PRKAR1B: variants seen among roughly 807,000 people sequenced by gnomAD.
The protein encoded by PRKAR1B is protein kinase cAMP-dependent type I regulatory subunit beta.
In PRKAR1B, 22 loss-of-function variants were observed where a neutral mutation model predicts 46.5. That is an observed-to-expected ratio of 0.47 (90% CI 0.34 to 0.68). The LOEUF is 0.68. Ranked by LOEUF, PRKAR1B falls within the 30% of genes least tolerant of loss-of-function variation. PRKAR1B has a pLI of 0.01. For missense variants in PRKAR1B, 445 were observed against 535.6 expected (o/e 0.83, Z 1.67); for synonymous variants, 259 against 217.7 (o/e 1.19, Z -1.67).
At chr7:635,793 G>A (rs1784014482) in intron 4 of PRKAR1B, among the ~76,000 whole-genome samples, 3 of 152,084 alleles carry the variant, frequency 2.0e-5, no homozygotes, top group Non-Finnish European at 4.4e-5. Context: ...TTGGAGGCAG[G>A]AGTTGGTCCA....
chr7:677,781 G>A (rs553563869), intron 3 of PRKAR1B, among the ~76,000 whole-genome samples: 1 of 152,278 alleles, frequency 6.6e-6, no homozygotes, highest in African/African-American at 2.4e-5. Flanking sequence ...GAAGCGTTCT[G>A]AGAAATTCAT....
chr7:648,772 G>C (rs1784747414), intron 4 of PRKAR1B, among the ~76,000 whole-genome samples: 1 of 151,272 alleles, frequency 6.6e-6, no homozygotes, highest in East Asian at 2.0e-4. Context: ...ACAAGAGTAA[G>C]ACTCCATCTG....
chr7:641,748 A>G (rs1184523420), intron 4 of PRKAR1B, among the ~76,000 whole-genome samples: 1 of 152,066 alleles, frequency 6.6e-6, no homozygotes, highest in Non-Finnish European at 1.5e-5. Context: ...GAACGACTCT[A>G]TTTATGTGTT....
intron 8 of PRKAR1B, among the ~76,000 whole-genome samples, chr7:580,625 T>G (rs1780118880): frequency 6.6e-6 from 1 of 151,888 alleles, no homozygotes; most frequent in East Asian, 1.9e-4. Flanking sequence ...TCCGCCCTTC[T>G]CACAAGGTCT....
intron 2 of PRKAR1B, among the ~76,000 whole-genome samples, chr7:702,364 A>G (rs2128522921): frequency 6.6e-6 from 1 of 152,376 alleles, no homozygotes; most frequent in South Asian, 2.1e-4. Flanking sequence ...AAATCCAACC[A>G]TATCAATAAT....
At chr7:579,515 T>C (rs994960063) in intron 8 of PRKAR1B, 138 bp from the exon 9 acceptor site, 2 of 1,155,838 alleles carry the variant, frequency 1.7e-6, no homozygotes, top group East Asian at 5.0e-5. Flanking sequence ...GTAAGCTGCA[T>C]AAGATGAGGC....
intron 2 of PRKAR1B, among the ~76,000 whole-genome samples, chr7:694,906 G>T (rs1779643524): frequency 6.6e-6 from 1 of 151,870 alleles, no homozygotes; most frequent in South Asian, 2.1e-4. Flanking sequence ...CGTGGTGGTG[G>T]GCACCTGTCA....
In PRKAR1B at chr7:570,899, C is replaced by CT. The variant is rs546621837; in HGVS notation, c.891+8356dup. 6.7e-3 allele frequency among the ~76,000 whole-genome samples: 1,019 copies of CT among 152,264 alleles called. 9 individuals carry two copies. The highest frequency in any genetic ancestry group is 0.014 in the Admixed American group (217 of 15,302). On this transcript the variant is annotated intron_variant, in intron 9 of 10. Coordinates refer to ENST00000537384, the MANE Select transcript of PRKAR1B (RefSeq NM_001164760.2). ...CAAGCGACACCACTCCCAGCACTCT[C>CT]TGTGTCGGGTCCTGCTTCACGTCTC...
intron 3 of PRKAR1B, among the ~76,000 whole-genome samples, chr7:679,401 C>A (rs549501770): frequency 6.6e-6 from 1 of 152,226 alleles, no homozygotes; most frequent in Non-Finnish European, 1.5e-5. Context: ...AGGCATTCTG[C>A]GGAGCATCCC....
chr7:588,496 T>C (rs1012317951), intron 7 of PRKAR1B, among the ~76,000 whole-genome samples: 3 of 150,978 alleles, frequency 2.0e-5, no homozygotes, highest in Admixed American at 6.6e-5. Context: ...GTGGTGAGGA[T>C]AGTGACAGTG....
At position 714,610 on chromosome 7, in the gene PRKAR1B, C is replaced by G. The variant is rs1562361881; in HGVS notation, c.-22-3083G>C. 6.6e-6 allele frequency among the ~76,000 whole-genome samples: 1 copy of G among 152,248 alleles called. No individual in the cohort carries two copies. Among genetic ancestry groups the G allele is most frequent in the South Asian group, 2.1e-4 (1 of 4,830 alleles). ...GGCCCCCACCCCACACAAGGACTCCCTCTCCAGACTGGCTCTGGTAGGAGT... is the reference window on the plus strand; with the variant it reads ...GGCCCCCACCCCACACAAGGACTCCGTCTCCAGACTGGCTCTGGTAGGAGT... On this transcript the variant is annotated intron_variant, in intron 1 of 10. Transcript: ENST00000537384. This position sits in a 1 kb window ranked among gnomAD's most constrained non-coding sequence, Gnocchi z 4.3.
chr7:638,065 C>A (rs532114486), intron 4 of PRKAR1B, among the ~76,000 whole-genome samples: 1 of 152,346 alleles, frequency 6.6e-6, no homozygotes, highest in East Asian at 1.9e-4. Flanking sequence ...GACCCTGTGC[C>A]CACCTAGCTG....
intron 9 of PRKAR1B, among the ~76,000 whole-genome samples, chr7:571,853 A>ACC (rs1779535703): frequency 6.6e-6 from 1 of 152,196 alleles, no homozygotes; most frequent in Non-Finnish European, 1.5e-5. Context: ...GAGGTGACGG[A>ACC]ACAGCTGGAC....
chr7:628,226 C>T (rs1479766069), intron 4 of PRKAR1B, among the ~76,000 whole-genome samples: 2 of 152,240 alleles, frequency 1.3e-5, no homozygotes, highest in South Asian at 2.1e-4. Context: ...CTGCGGGCAC[C>T]GGATCTGCCT....
intron 9 of PRKAR1B, among the ~76,000 whole-genome samples, chr7:572,709 G>A (rs901729915): frequency 6.6e-6 from 1 of 152,240 alleles, no homozygotes. Context: ...CGTCCACCCT[G>A]GAGAGCCGAG....
intron 4 of PRKAR1B, among the ~76,000 whole-genome samples, chr7:648,335 G>T (rs1253418773): frequency 6.6e-6 from 1 of 152,088 alleles, no homozygotes; most frequent in African/African-American, 2.4e-5. Flanking sequence ...CCATAGGCAG[G>T]GCATGGTGGC....
At chr7:605,846 G>A (rs1782005191) in intron 6 of PRKAR1B, among the ~76,000 whole-genome samples, 1 of 152,224 alleles carries the variant, frequency 6.6e-6, no homozygotes, top group Admixed American at 6.5e-5. Flanking sequence ...TGTGGTGGGT[G>A]AGCCTGGTGT....
intron 4 of PRKAR1B, among the ~76,000 whole-genome samples, chr7:636,511 G>A (rs955772820): frequency 3.9e-5 from 6 of 152,300 alleles, no homozygotes; most frequent in African/African-American, 1.4e-4. Flanking sequence ...CAGGGGTGGG[G>A]GGTTTCCTGC....
At chr7:717,780 A>C (rs73669613) in intron 1 of PRKAR1B, among the ~76,000 whole-genome samples, 4,191 of 152,232 alleles carry the variant, frequency 0.028, 203 homozygotes, top group African/African-American at 0.095. Flanking sequence ...TCTTCTCTAC[A>C]CATGGCTCCT....
Sources: allele counts gnomAD v4.1 joint callset (sites outside exome capture counted in the v4.1 genomes callset), GRCh38; gene constraint gnomAD v4.1.1; non-coding constraint Gnocchi (gnomAD v3.1); transcripts MANE v1.5; gene names NCBI Gene and HGNC (gene_info 2026-07-23, HGNC 2026-07-21).